CCM2: variants seen among roughly 807,000 people sequenced by gnomAD.
The protein encoded by CCM2 is CCM2 scaffold protein, also known as cerebral cavernous malformations 2 protein.
In CCM2, 25 loss-of-function variants were observed where a neutral mutation model predicts 44.9. The observed-to-expected ratio is 0.56, with a 90% CI of 0.41 to 0.78. The LOEUF (loss-of-function observed/expected upper bound fraction) is 0.78, where lower values mean the gene tolerates loss of function less well. Among genes scored for constraint, CCM2 ranks in the 30% least tolerant of loss-of-function variants. The pLI, the probability that CCM2 is intolerant of heterozygous loss-of-function variation, is 0.00. For synonymous variants in CCM2, 219 were observed against 241.1 expected (o/e 0.91, Z 0.85); for missense variants, 481 against 580.6 (o/e 0.83, Z 1.76).
At chr7:45,034,188 C>T (rs1452837204) in intron 1 of CCM2, among the ~76,000 whole-genome samples, 1 of 152,130 alleles carries the variant, frequency 6.6e-6, no homozygotes, top group Non-Finnish European at 1.5e-5. Context: ...AGGCCAGTCC[C>T]AGCAAGCTCT....
intron 1 of CCM2, among the ~76,000 whole-genome samples, chr7:45,018,313 A>G (rs1214194989): frequency 6.6e-6 from 1 of 151,976 alleles, no homozygotes; most frequent in Non-Finnish European, 1.5e-5. Context: ...TTTACAGGAT[A>G]TAGAATTCTA....
intron 1 of CCM2, among the ~76,000 whole-genome samples, chr7:45,026,857 C>G (rs1212218992): frequency 6.6e-6 from 1 of 152,090 alleles, no homozygotes; most frequent in African/African-American, 2.4e-5. Context: ...CCTGCCTCAG[C>G]CTTCTAAAGT....
chr7:45,013,655 T>A (rs1796150694), intron 1 of CCM2, among the ~76,000 whole-genome samples: 2 of 152,234 alleles, frequency 1.3e-5, no homozygotes, highest in Non-Finnish European at 2.9e-5. Flanking sequence ...TGATACTTTC[T>A]TTATATAGCT....
At chr7:45,029,266 A>G (rs1293135495) in intron 1 of CCM2, among the ~76,000 whole-genome samples, 3 of 152,166 alleles carry the variant, frequency 2.0e-5, no homozygotes, top group Non-Finnish European at 4.4e-5. Flanking sequence ...AGGCCTTTTT[A>G]TAATACTTTA....
chr7:45,045,806 A>G (rs1291215027), intron 2 of CCM2, among the ~76,000 whole-genome samples: 1 of 152,152 alleles, frequency 6.6e-6, no homozygotes, highest in East Asian at 1.9e-4. Context: ...AACAAAACAA[A>G]ACAAAACAAA....
intron 2 of CCM2, chr7:45,043,822 C>T (rs1797627360): frequency 1.2e-5 from 4 of 327,938 alleles, no homozygotes; most frequent in Admixed American, 4.8e-5. Context: ...TCAAACCACT[C>T]TCCGTCTTAT....
intron 2 of CCM2, among the ~76,000 whole-genome samples, chr7:45,040,642 C>T (rs1004910339): frequency 1.3e-5 from 2 of 152,312 alleles, no homozygotes; most frequent in African/African-American, 4.8e-5. Flanking sequence ...TCTAAAACCT[C>T]AACTCACAGA....
chr7:45,035,817 A>G (rs1012675641), intron 1 of CCM2, among the ~76,000 whole-genome samples: 1 of 152,042 alleles, frequency 6.6e-6, no homozygotes, highest in Non-Finnish European at 1.5e-5. Flanking sequence ...CTGATTATAT[A>G]CATATATACA....
intron 9 of CCM2, 64 bp from the exon 10 acceptor site, chr7:45,075,713 G>A (rs1370242389): frequency 1.2e-6 from 2 of 1,607,226 alleles, no homozygotes; most frequent in African/African-American, 2.7e-5. Context: ...TTTGAGCCCT[G>A]AGAGAAGAGC....
At chr7:45,024,315 G>T (rs550722616) in intron 1 of CCM2, among the ~76,000 whole-genome samples, 1 of 152,204 alleles carries the variant, frequency 6.6e-6, no homozygotes, top group Non-Finnish European at 1.5e-5. Context: ...GCATTGTGGA[G>T]TTTCATCTCT....
rs757373814 is a variant in CCM2 at position 45,069,954 on chromosome 7, G to T, written c.738G>T (p.Leu246=). The change falls in exon 6 of 10, where the codon CTG becomes CTT. Residue 246 remains leucine (L), a synonymous_variant. Coordinates refer to ENST00000258781, the MANE Select transcript of CCM2 (RefSeq NM_031443.4). ...CTACCCCGACCCACCACCTGTCCCT[G>T]CACAGCGGTATGTTGAGTGAGAGTG... ...GASTPTHHLS[L]HSDDSSTKVD... 1 of 1,613,898 alleles carries T rather than the reference G, an allele frequency of 6.2e-7. No homozygotes were observed. Among genetic ancestry groups the T allele is most frequent in the Non-Finnish European group, 8.5e-7 (1 of 1,180,028 alleles).
chr7:45,073,842 G>T (rs939902759), intron 8 of CCM2: 3 of 559,232 alleles, frequency 5.4e-6, no homozygotes, highest in Non-Finnish European at 9.6e-6. Flanking sequence ...GGGAGGGAAC[G>T]GTGGCCCCTG....
chr7:45,057,580 C>T (rs1458943840), intron 2 of CCM2, among the ~76,000 whole-genome samples: 1 of 152,092 alleles, frequency 6.6e-6, no homozygotes, highest in East Asian at 1.9e-4. Context: ...AAATTTATTA[C>T]TGATAAATGT....
At chr7:45,004,884 T>C (rs1795783814) in intron 1 of CCM2, among the ~76,000 whole-genome samples, 1 of 151,764 alleles carries the variant, frequency 6.6e-6, no homozygotes. Context: ...TAATCCTAGC[T>C]ACTTGTGAGG....
chr7:45,037,232 A>C (rs1797266629), intron 1 of CCM2, among the ~76,000 whole-genome samples: 1 of 149,296 alleles, frequency 6.7e-6, no homozygotes, highest in African/African-American at 2.5e-5. Context: ...ATGAAGTGTC[A>C]GGTCTTTTCC....
chr7:45,032,832 G>A (rs1797030210), intron 1 of CCM2, among the ~76,000 whole-genome samples: 1 of 152,034 alleles, frequency 6.6e-6, no homozygotes, highest in East Asian at 1.9e-4. Context: ...CCTGAGGCTG[G>A]GAGTTTGAGA....
In CCM2 at chr7:45,068,538, G is replaced by T. The variant is rs200358025; in HGVS notation, c.568G>T (p.Val190Leu). 6.2e-7 allele frequency: 1 copy of T among 1,614,140 alleles called. No homozygotes were observed. Among genetic ancestry groups the T allele is most frequent in the Non-Finnish European group, 8.5e-7 (1 of 1,180,020 alleles). ...GSLSESAVGP[V>L]EACCLVILAA... is the part of the protein sequence containing the mutation. ...CCTGTCGGAGAGTGCAGTTGGGCCC[G>T]TGGAGGCATGCTGCCTGGTCATCCT... Residue 190 changes from valine to leucine, a missense_variant, in exon 5 of 10, where the codon GTG becomes TTG. Val to Leu is a conservative substitution (Grantham distance 32). Transcript: ENST00000258781.
chr7:45,035,778 G>C (rs923483417), intron 1 of CCM2, among the ~76,000 whole-genome samples: 1 of 152,004 alleles, frequency 6.6e-6, no homozygotes, highest in African/African-American at 2.4e-5. Flanking sequence ...CTTTATTATA[G>C]TCTGTGGTAG....
At chr7:45,071,672 A>T in intron 6 of CCM2, 1 of 429,978 alleles carries the variant, frequency 2.3e-6, no homozygotes, top group Non-Finnish European at 4.7e-6. Context: ...GCTCCAGAGA[A>T]GAAGCCATTT....
Sources: allele counts gnomAD v4.1 joint callset (sites outside exome capture counted in the v4.1 genomes callset), GRCh38; gene constraint gnomAD v4.1.1; transcripts MANE v1.5; gene names NCBI Gene and HGNC (gene_info 2026-07-23, HGNC 2026-07-21).